SLC26A11: variants seen among roughly 807,000 people sequenced by gnomAD.
The protein encoded by SLC26A11 is solute carrier family 26 member 11, also known as sodium-independent sulfate anion transporter.
In SLC26A11, 58 loss-of-function variants were observed where a neutral mutation model predicts 62.2. The ratio of observed to expected loss-of-function variants is 0.93; its 90% confidence interval spans 0.76 to 1.16. The LOEUF (loss-of-function observed/expected upper bound fraction) is 1.16. SLC26A11 is among the 50% of genes most tolerant of loss of function. SLC26A11 has a pLI of 0.00. For missense variants in SLC26A11, 790 were observed against 794.3 expected (o/e 0.99, Z 0.06); for synonymous variants, 411 against 368.9 (o/e 1.11, Z -1.31).
intron 5 of SLC26A11, among the ~76,000 whole-genome samples, chr17:80,225,144 T>TG (rs2042373179): frequency 1.3e-5 from 2 of 151,840 alleles, no homozygotes; most frequent in South Asian, 4.2e-4. Flanking sequence ...GAATCCAGCC[T>TG]GGGCCACAGA....
At chr17:80,220,610 C>CGG (rs2042124693) in intron 1 of SLC26A11, 114 bp downstream of exon 1, 1 of 327,842 alleles carries the variant, frequency 3.1e-6, no homozygotes, top group Non-Finnish European at 5.5e-6. Context: ...TCCTGAAGTG[C>CGG]GGGGGCCTCC....
chr17:80,237,388 G>C, intron 8 of SLC26A11, 134 bp from the exon 9 acceptor site: 1 of 881,004 alleles, frequency 1.1e-6, no homozygotes, highest in Non-Finnish European at 1.7e-6. Context: ...TTCAGACAAG[G>C]AGGCGGATCC....
chr17:80,239,844 A>AAAT (rs2042809802), intron 9 of SLC26A11, among the ~76,000 whole-genome samples: 1 of 152,242 alleles, frequency 6.6e-6, no homozygotes. Context: ...GAAAAAGTCC[A>AAAT]AATAATAATA....
intron 15 of SLC26A11, 37 bp downstream of exon 15, chr17:80,248,711 C>A (rs758326273): frequency 6.5e-7 from 1 of 1,528,452 alleles, no homozygotes; most frequent in Non-Finnish European, 8.9e-7. Context: ...TGAGGTCACT[C>A]CCCTGTCCTC....
intron 6 of SLC26A11, among the ~76,000 whole-genome samples, chr17:80,226,427 AC>A (rs1164912724): frequency 6.6e-6 from 1 of 152,106 alleles, no homozygotes; most frequent in East Asian, 1.9e-4. Context: ...ATGGCCGGAC[AC>A]TGTGGCTCAC....
At chr17:80,237,246 A>G (rs2042721153) in intron 8 of SLC26A11, 143 bp downstream of exon 8, 1 of 1,046,058 alleles carries the variant, frequency 9.6e-7, no homozygotes. Context: ...CATCTCAGTT[A>G]TTAAAGAATC....
rs148812803 is a variant in SLC26A11, at chr17:80,237,070, C to T, written c.879C>T (p.Ala293=). Residue 293 remains alanine, a synonymous_variant, in exon 8 of 18, where the codon GCC becomes GCT. Transcript: ENST00000361193. ...TCCCGCCCTTCTCAGTGACCACAGC[C>T]AACGGGACGATCTCCTTCACCGAGA... ...VRIPPFSVTT[A]NGTISFTEMV... is the part of the protein sequence containing the mutation. 10 of 1,613,564 alleles carry T rather than the reference C, an allele frequency of 6.2e-6. No homozygotes were observed. In the African/African-American group the frequency reaches 1.3e-4, roughly 22 times the overall value.
At chr17:80,236,876 C>A in intron 7 of SLC26A11, 52 bp from the exon 8 acceptor site, 1 of 1,569,822 alleles carries the variant, frequency 6.4e-7, no homozygotes, top group Non-Finnish European at 8.7e-7. Flanking sequence ...AGCCGCGCTA[C>A]CCCACACTCG....
chr17:80,247,134 G>A (rs2043023290), intron 13 of SLC26A11, among the ~76,000 whole-genome samples: 1 of 151,604 alleles, frequency 6.6e-6, no homozygotes, highest in Non-Finnish European at 1.5e-5. Flanking sequence ...GATTTGGCAG[G>A]GTCATAGGAC....
rs760446324 is a variant in SLC26A11, at chr17:80,221,541, C to G, written c.-13-7C>G. 3.2e-6 allele frequency: 5 copies of G among 1,539,580 alleles called. No homozygotes were observed. The Admixed American group carries it at 5.8e-5, about 18-fold the overall frequency. On this transcript the variant is annotated splice_polypyrimidine_tract_variant and splice_region_variant and intron_variant, in intron 2 of 17. Transcript: ENST00000361193. The stretch of plus-strand genomic sequence containing the variant: ...GACTGCTGGTCTGTGTCACCTGCAC[C>G]CCCCAGCCCCACCGTAGAGATGCCT...
intron 13 of SLC26A11, 128 bp from the exon 14 acceptor site, chr17:80,248,002 G>A: frequency 8.6e-7 from 1 of 1,166,930 alleles, no homozygotes; most frequent in Non-Finnish European, 1.2e-6. Context: ...AAGTCCTCAG[G>A]GGCTGCTTGG....
At chr17:80,224,648 G>A (rs904683614) in intron 5 of SLC26A11, among the ~76,000 whole-genome samples, 6 of 152,160 alleles carry the variant, frequency 3.9e-5, no homozygotes, top group African/African-American at 1.2e-4. Context: ...TTATCTACAC[G>A]CATCTCTCAG....
chr17:80,247,909 G>A (rs2043050860), intron 13 of SLC26A11, among the ~76,000 whole-genome samples: 1 of 152,206 alleles, frequency 6.6e-6, no homozygotes, highest in African/African-American at 2.4e-5. Flanking sequence ...CGGCCGGCAG[G>A]TCTCACCTGC....
chr17:80,233,798 C>G (rs1031273849), intron 7 of SLC26A11, among the ~76,000 whole-genome samples: 1 of 86,172 alleles, frequency 1.2e-5, no homozygotes, highest in Non-Finnish European at 2.5e-5. Flanking sequence ...AGGCTGGTCT[C>G]TTACTCCTGG....
intron 6 of SLC26A11, among the ~76,000 whole-genome samples, chr17:80,227,265 A>ATCCT (rs1191168433): frequency 2.0e-5 from 3 of 152,236 alleles, no homozygotes; most frequent in Non-Finnish European, 4.4e-5. Flanking sequence ...ATTCAAAGCC[A>ATCCT]TCCCAGGCTG....
chr17:80,250,829 A>AAAAC (rs71365594), intron 16 of SLC26A11, among the ~76,000 whole-genome samples: 45,089 of 149,974 alleles, frequency 0.3, 7,519 homozygotes, highest in East Asian at 0.54. Flanking sequence ...CTCCATCTCA[A>AAAAC]AAACAAACAA....
intron 16 of SLC26A11, among the ~76,000 whole-genome samples, chr17:80,250,782 G>A (rs376491520): frequency 9.0e-4 from 137 of 151,950 alleles, no homozygotes; most frequent in African/African-American, 3.1e-3. Flanking sequence ...AGCCGAGATC[G>A]CGCCATTGCA....
Position 80,222,061 on chromosome 17 carries a change from T to A in SLC26A11, c.234+267T>A. On this transcript the variant is annotated intron_variant, in intron 3 of 17. Transcript: ENST00000361193. The surrounding 1 kb of genome is among the most constrained non-coding windows in gnomAD (Gnocchi z 4.7). ...TTCAAGACCAGCCCGACCAAAATGG[T>A]GAAACCCCGTCTCCACTAAAAATAC... The A allele has an allele frequency of 2.3e-6, 1 of 442,468 alleles. No individual in the cohort carries two copies. Among genetic ancestry groups the A allele is most frequent in the Non-Finnish European group, 4.0e-6 (1 of 252,164 alleles). The allele number at this position is 442,468 out of a possible 1,614,324, so 27.4% of individuals were successfully genotyped here. A position where few individuals can be genotyped will look rare whatever the true frequency, so the allele number is the denominator to read the frequency against.
intron 10 of SLC26A11, among the ~76,000 whole-genome samples, chr17:80,242,196 C>T (rs753513656): frequency 2.5e-4 from 38 of 152,284 alleles, no homozygotes; most frequent in Non-Finnish European, 4.9e-4. Context: ...AGGCTGGTCT[C>T]GAACTCCCGA....
Sources: gnomAD v4.1 joint callset for allele counts (sites outside exome capture counted in the v4.1 genomes callset) on GRCh38, gnomAD v4.1.1 for gene constraint, Gnocchi (gnomAD v3.1) non-coding constraint, MANE v1.5 for transcripts, NCBI Gene and HGNC (gene_info 2026-07-23, HGNC 2026-07-21) for gene names.